NBEA: variants seen among roughly 807,000 people sequenced by gnomAD.
NBEA encodes lysosomal-trafficking regulator 2.
A neutral mutation model predicts 343.4 loss-of-function variants in NBEA; 44 were observed. The observed-to-expected ratio is 0.13, with a 90% confidence interval of 0.10 to 0.16. NBEA has a LOEUF of 0.16. Ranked by LOEUF, NBEA falls within the 10% of genes least tolerant of loss-of-function variation. NBEA has a pLI of 1.00. For missense variants in NBEA, 2,555 were observed against 3,631.3 expected, an observed-to-expected ratio of 0.70 and a Z score of 7.62; for synonymous variants, 1,175 against 1,238.7, an observed-to-expected ratio of 0.95 and a Z score of 1.08.
At chr13:35,131,462 T>C (rs1002770197) in intron 17 of NBEA, among the ~76,000 whole-genome samples, 2 of 152,190 alleles carry the variant, frequency 1.3e-5, no homozygotes, top group African/African-American at 4.8e-5. Flanking sequence ...ATAATTATGA[T>C]GTGTGCAAAA....
At chr13:35,092,450 T>A (rs1228051036) in intron 10 of NBEA, among the ~76,000 whole-genome samples, 1 of 151,994 alleles carries the variant, frequency 6.6e-6, no homozygotes, top group Non-Finnish European at 1.5e-5. Context: ...TGGAGGAAGA[T>A]AACAGCAAAT....
intron 41 of NBEA, among the ~76,000 whole-genome samples, chr13:35,531,714 C>T (rs544144613): frequency 6.2e-4 from 95 of 152,210 alleles, no homozygotes; most frequent in African/African-American, 2.2e-3. Flanking sequence ...CAATATAATC[C>T]AATTTTAATT....
intron 47 of NBEA, among the ~76,000 whole-genome samples, chr13:35,602,953 CA>C (rs1458809338): frequency 1.3e-5 from 2 of 152,148 alleles, no homozygotes; most frequent in Non-Finnish European, 2.9e-5. Flanking sequence ...GCCACTTTTG[CA>C]GTTTGAGAAC....
intron 1 of NBEA, among the ~76,000 whole-genome samples, chr13:34,962,415 A>G (rs1254739643): frequency 6.6e-6 from 1 of 152,088 alleles, no homozygotes; most frequent in Non-Finnish European, 1.5e-5. Flanking sequence ...TTTAAAAACC[A>G]CAGACCACTG....
intron 34 of NBEA, among the ~76,000 whole-genome samples, chr13:35,288,869 C>G (rs1203848445): frequency 1.3e-5 from 2 of 151,792 alleles, no homozygotes; most frequent in Admixed American, 1.3e-4. Context: ...TGATAAATGT[C>G]CCATTAATCT....
intron 1 of NBEA, among the ~76,000 whole-genome samples, chr13:34,962,373 T>C (rs1212926934): frequency 1.3e-5 from 2 of 152,058 alleles, no homozygotes; most frequent in African/African-American, 4.8e-5. Flanking sequence ...GTAAACCTCA[T>C]CCTAACAGAT....
chr13:35,091,604 A>G (rs1260318020), intron 10 of NBEA, among the ~76,000 whole-genome samples: 3 of 152,004 alleles, frequency 2.0e-5, no homozygotes, highest in Non-Finnish European at 4.4e-5. Context: ...TACTAGTGTC[A>G]CAAGATACAA....
chr13:35,317,797 G>T (rs575467791), intron 36 of NBEA, among the ~76,000 whole-genome samples: 1 of 152,204 alleles, frequency 6.6e-6, no homozygotes, highest in African/African-American at 2.4e-5. Flanking sequence ...GTGGTTTATA[G>T]TTCTCCTTGA....
At chr13:35,003,785 A>G (rs984352025) in intron 1 of NBEA, among the ~76,000 whole-genome samples, 2 of 151,954 alleles carry the variant, frequency 1.3e-5, no homozygotes, top group South Asian at 2.1e-4. Flanking sequence ...AGAAAATTTA[A>G]TTTTATTTTA....
chr13:35,367,711 A>G (rs1232008183), intron 38 of NBEA, among the ~76,000 whole-genome samples: 3 of 151,508 alleles, frequency 2.0e-5, no homozygotes, highest in African/African-American at 7.2e-5. Flanking sequence ...GAGTCTTAAC[A>G]TAAGTCTAAA....
At chr13:35,168,918 A>G in intron 24 of NBEA, 69 bp from the exon 25 acceptor site, 1 of 1,089,134 alleles carries the variant, frequency 9.2e-7, no homozygotes, top group Non-Finnish European at 1.2e-6. Flanking sequence ...TTGTATTTTC[A>G]TTTAATTTAA....
intron 45 of NBEA, among the ~76,000 whole-genome samples, chr13:35,576,602 C>CA (rs897143274): frequency 5.9e-5 from 9 of 151,708 alleles, no homozygotes; most frequent in African/African-American, 2.2e-4. Flanking sequence ...GATTAAACAG[C>CA]AAAAAAAGAG....
intron 41 of NBEA, among the ~76,000 whole-genome samples, chr13:35,533,949 C>T (rs1465931020): frequency 6.6e-6 from 1 of 152,100 alleles, no homozygotes; most frequent in African/African-American, 2.4e-5. Context: ...TTTATGTTAT[C>T]AGTGGAGAGC....
At chr13:35,001,583 ACCACATGTTCTCAC>A (rs1444578990) in intron 1 of NBEA, among the ~76,000 whole-genome samples, 4 of 152,140 alleles carry the variant, frequency 2.6e-5, no homozygotes, top group Non-Finnish European at 4.4e-5. Context: ...AAAGATAAAT[ACCACATGTTCTCAC>A]TCATATGTGG....
At chr13:35,512,869 C>T (rs996876506) in intron 41 of NBEA, among the ~76,000 whole-genome samples, 11 of 152,140 alleles carry the variant, frequency 7.2e-5, no homozygotes, top group Non-Finnish European at 1.5e-4. Flanking sequence ...TGTGGCTGAG[C>T]CCATTTCTCT....
chr13:35,662,568 T>C (rs755542470), intron 55 of NBEA, among the ~76,000 whole-genome samples: 3 of 152,208 alleles, frequency 2.0e-5, no homozygotes, highest in Non-Finnish European at 4.4e-5. Context: ...TTATTTGCCT[T>C]TCACTTAAAG....
chr13:35,419,293 C>G (rs372603359), intron 38 of NBEA, among the ~76,000 whole-genome samples: 1 of 151,988 alleles, frequency 6.6e-6, no homozygotes, highest in African/African-American at 2.4e-5. Context: ...AGGGCCCCAC[C>G]TCCTGGTTCA....
chr13:35,360,229 TAAG>T (rs2040734889), intron 38 of NBEA, among the ~76,000 whole-genome samples: 1 of 152,042 alleles, frequency 6.6e-6, no homozygotes, highest in Non-Finnish European at 1.5e-5. Flanking sequence ...ACTGTGTAAT[TAAG>T]AAGAAGACTG....
intron 34 of NBEA, among the ~76,000 whole-genome samples, chr13:35,265,211 A>G (rs1024589806): frequency 6.6e-6 from 1 of 151,884 alleles, no homozygotes; most frequent in African/African-American, 2.4e-5. Flanking sequence ...ATTATAAAAC[A>G]TAGATGAAAG....
Sources: gnomAD v4.1 joint callset for allele counts (sites outside exome capture counted in the v4.1 genomes callset) on GRCh38, gnomAD v4.1.1 for gene constraint, MANE v1.5 for transcripts, NCBI Gene and HGNC (gene_info 2026-07-23, HGNC 2026-07-21) for gene names.